The following TNKS variants were observed in gnomAD, a reference collection of about 807,000 sequenced individuals.
The protein encoded by TNKS is poly [ADP-ribose] polymerase tankyrase-1.
A neutral mutation model predicts 135.8 loss-of-function variants in TNKS; 72 were observed. That is an observed-to-expected ratio of 0.53 (90% CI 0.44 to 0.64). The LOEUF is 0.64. Among genes scored for constraint, TNKS ranks in the 30% least tolerant of loss-of-function variants. The pLI, the probability that TNKS is intolerant of heterozygous loss-of-function variation, is 0.00. For missense variants in TNKS, 1,769 were observed against 1,674.0 expected, an observed-to-expected ratio of 1.06 and a Z score of -0.99; for synonymous variants, 849 against 649.3, an observed-to-expected ratio of 1.31 and a Z score of -4.68.
intron 2 of TNKS, among the ~76,000 whole-genome samples, chr8:9,611,431 A>G (rs1236734010): frequency 6.6e-6 from 1 of 152,180 alleles, no homozygotes; most frequent in African/African-American, 2.4e-5. Flanking sequence ...AAATAATATG[A>G]CACTGTATCA....
intron 2 of TNKS, among the ~76,000 whole-genome samples, chr8:9,581,506 A>G (rs757480742): frequency 2.6e-5 from 4 of 152,184 alleles, no homozygotes; most frequent in Non-Finnish European, 5.9e-5. Context: ...AGAAGCTTCA[A>G]CTTATAACAT....
At chr8:9,595,157 T>G (rs1482765316) in intron 2 of TNKS, among the ~76,000 whole-genome samples, 1 of 151,940 alleles carries the variant, frequency 6.6e-6, no homozygotes, top group Non-Finnish European at 1.5e-5. Context: ...AGTCTTGCTG[T>G]GTTGTCCAGG....
chr8:9,689,644 G>A (rs769316322), intron 5 of TNKS, among the ~76,000 whole-genome samples: 3 of 152,178 alleles, frequency 2.0e-5, no homozygotes, highest in South Asian at 2.1e-4. Flanking sequence ...AGAACTAGAC[G>A]TCTCTGCTCC....
chr8:9,648,754 G>T (rs1211423576), intron 3 of TNKS, among the ~76,000 whole-genome samples: 1 of 152,024 alleles, frequency 6.6e-6, no homozygotes, highest in African/African-American at 2.4e-5. Flanking sequence ...GTCTCTTATT[G>T]ACCAAAACGT....
At chr8:9,740,784 G>C (rs934874513) in intron 17 of TNKS, 1 of 149,064 alleles carries the variant, frequency 6.7e-6, no homozygotes, top group African/African-American at 2.5e-5. Context: ...CTAAATATTT[G>C]CTGCTAACAT....
chr8:9,611,459 T>C (rs895364910), intron 2 of TNKS, among the ~76,000 whole-genome samples: 1 of 152,238 alleles, frequency 6.6e-6, no homozygotes, highest in South Asian at 2.1e-4. Context: ...ATGTGGTACT[T>C]TTTCAGAAAA....
Position 9,730,881 on chromosome 8 carries a change from C to T in TNKS, c.2002-9C>T. The T allele has an allele frequency of 1.2e-6, 2 of 1,610,542 alleles. No homozygotes were observed. Among genetic ancestry groups the T allele is most frequent in the Non-Finnish European group, 1.7e-6 (2 of 1,178,138 alleles). ...TTTTGTGTTTGTCTTTGTGTGTGCACCACGAAAGCAACTTTGCAGCTCTCA... is the reference window on the plus strand; with the variant it reads ...TTTTGTGTTTGTCTTTGTGTGTGCATCACGAAAGCAACTTTGCAGCTCTCA... On this transcript the variant is annotated splice_polypyrimidine_tract_variant and intron_variant, in intron 13 of 26. Coordinates refer to ENST00000310430, the MANE Select transcript of TNKS (RefSeq NM_003747.3).
intron 1 of TNKS, chr8:9,557,547 A>G (rs1815377440): frequency 6.6e-6 from 1 of 152,174 alleles, no homozygotes; most frequent in African/African-American, 2.4e-5. Context: ...AAATGTAGGT[A>G]ATAATGTTTT....
chr8:9,752,655 T>C (rs1176588002), intron 20 of TNKS, 29 bp downstream of exon 20: 2 of 1,460,718 alleles, frequency 1.4e-6, no homozygotes, highest in Non-Finnish European at 9.5e-7. Flanking sequence ...ATTTGAGTCA[T>C]TTAAATTAAA....
At chr8:9,591,144 C>T (rs570557356) in intron 2 of TNKS, among the ~76,000 whole-genome samples, 27 of 152,330 alleles carry the variant, frequency 1.8e-4, no homozygotes, top group Admixed American at 4.6e-4. Context: ...TTTAGTTGTT[C>T]ATAATATTCC....
At chr8:9,725,007 C>T (rs142221852) in intron 12 of TNKS, among the ~76,000 whole-genome samples, 1 of 152,202 alleles carries the variant, frequency 6.6e-6, no homozygotes, top group East Asian at 1.9e-4. Context: ...AAATGAAAAA[C>T]TAAAAATATT....
chr8:9,706,035 G>A (rs1009617367), intron 6 of TNKS, 152 bp from the exon 7 acceptor site: 5 of 426,246 alleles, frequency 1.2e-5, no homozygotes. Flanking sequence ...GTGAACATAA[G>A]CTATGCTTTG....
intron 3 of TNKS, among the ~76,000 whole-genome samples, chr8:9,670,559 T>C (rs1045432592): frequency 6.6e-6 from 1 of 152,204 alleles, no homozygotes; most frequent in African/African-American, 2.4e-5. Flanking sequence ...CAATGTTATA[T>C]TAATGAAATT....
intron 3 of TNKS, among the ~76,000 whole-genome samples, chr8:9,672,677 CACAT>C (rs1802338815): frequency 3.9e-4 from 26 of 66,672 alleles, no homozygotes; most frequent in Admixed American, 1.6e-4. Context: ...AAAAAAAAAA[CACAT>C]ACACACACAC....
chr8:9,729,748 C>A (rs1805335754), intron 13 of TNKS, among the ~76,000 whole-genome samples: 1 of 149,870 alleles, frequency 6.7e-6, no homozygotes, highest in African/African-American at 2.5e-5. Context: ...ATAATAATTT[C>A]CTCACTGAAA....
chr8:9,712,198 G>T (rs1173556299), intron 11 of TNKS, among the ~76,000 whole-genome samples: 1 of 152,180 alleles, frequency 6.6e-6, no homozygotes, highest in Admixed American at 6.5e-5. Context: ...TTAGAGCCAC[G>T]TGTAGTGGCC....
At chr8:9,748,738 A>T (rs970779150) in intron 18 of TNKS, among the ~76,000 whole-genome samples, 1 of 152,180 alleles carries the variant, frequency 6.6e-6, no homozygotes, top group African/African-American at 2.4e-5. Context: ...GTTCTGTTTC[A>T]TTTATTGATT....
At chr8:9,776,553 G>T (rs889223863) in intron 26 of TNKS, 97 bp from the exon 27 acceptor site, 3 of 1,072,130 alleles carry the variant, frequency 2.8e-6, no homozygotes, top group Admixed American at 1.9e-5. Flanking sequence ...ATAGAATATT[G>T]GTCACGATTA....
chr8:9,703,716 C>A (rs375981371), intron 5 of TNKS, among the ~76,000 whole-genome samples: 1 of 152,082 alleles, frequency 6.6e-6, no homozygotes, highest in Non-Finnish European at 1.5e-5. Context: ...AATTAAAAAT[C>A]TTATTAAATC....
Sources: gnomAD v4.1 joint callset for allele counts (sites outside exome capture counted in the v4.1 genomes callset) on GRCh38, gnomAD v4.1.1 for gene constraint, MANE v1.5 for transcripts, NCBI Gene and HGNC (gene_info 2026-07-23, HGNC 2026-07-21) for gene names.